Variants in SLC9A5 observed in about 807,000 individuals in gnomAD.
SLC9A5 encodes solute carrier family 9 member A5.
A neutral mutation model predicts 91.7 loss-of-function variants in SLC9A5; 52 were observed. That is an observed-to-expected ratio of 0.57 (90% CI 0.45 to 0.71). The LOEUF is 0.71. SLC9A5 is among the 30% of genes least tolerant of loss of function. The pLI, the probability that SLC9A5 is intolerant of heterozygous loss-of-function variation, is 0.00. For synonymous variants in SLC9A5, 419 were observed against 474.5 expected, an observed-to-expected ratio of 0.88 and a Z score of 1.52; for missense variants, 871 against 1,158.9, an observed-to-expected ratio of 0.75 and a Z score of 3.61.
In SLC9A5 at chr16:67,255,286, G is replaced by A; in HGVS notation, c.654+102G>A. The A allele has an allele frequency of 6.6e-7, 1 of 1,522,772 alleles. No individual in the cohort carries two copies. Among genetic ancestry groups the A allele is most frequent in the Non-Finnish European group, 9.0e-7 (1 of 1,111,534 alleles). The allele number at this position is 1,522,772 out of a possible 1,614,324, so 94.3% of individuals were successfully genotyped here. On this transcript the variant is annotated intron_variant, in intron 3 of 15. Coordinates refer to ENST00000299798, the MANE Select transcript of SLC9A5 (RefSeq NM_004594.3). The surrounding 1 kb of genome is among the most constrained non-coding windows in gnomAD (Gnocchi z 4.9). ...AGTCCCTTCCCTTGGGTCCCCTGGGGCAGAAATATGCTGTCTGCTTTCACC... is the reference window on the plus strand; with the variant it reads ...AGTCCCTTCCCTTGGGTCCCCTGGGACAGAAATATGCTGTCTGCTTTCACC...
intron 15 of SLC9A5, among the ~76,000 whole-genome samples, chr16:67,267,211 C>T (rs557814477): frequency 6.2e-4 from 94 of 151,600 alleles, no homozygotes; most frequent in Non-Finnish European, 1.2e-3. Flanking sequence ...CTCCGCCTCC[C>T]GAGTAGCTGG....
chr16:67,255,412 A>C lies in SLC9A5; in HGVS notation c.674A>C (p.Asn225Thr), dbSNP rs549199804. The change falls in exon 4 of 16, where the codon AAC becomes ACC. Residue 225 changes from asparagine (N) to threonine (T), a missense_variant. Coordinates refer to ENST00000299798, the MANE Select transcript of SLC9A5 (RefSeq NM_004594.3). This position sits in a 1 kb window ranked among gnomAD's most constrained non-coding sequence, Gnocchi z 4.9. ...AVTVVLYKVC[N>T]SFVEMGSANV... is the part of the protein sequence containing the mutation. ...GCTCAGGTGCTGTACAAGGTCTGCA[A>C]CTCCTTTGTGGAGATGGGCTCTGCC... is the stretch of plus-strand genomic sequence containing the variant. The C allele has an allele frequency of 6.7e-5, 108 of 1,613,084 alleles. 2 individuals carry two copies. In the South Asian group the frequency reaches 1.1e-3, roughly 16 times the overall value.
Position 67,270,924 on chromosome 16 carries a change from C to A in SLC9A5, c.2405C>A (p.Ala802Glu). 3.7e-6 allele frequency: 6 copies of A among 1,614,104 alleles called. No homozygotes were observed. The highest frequency in any genetic ancestry group is 5.1e-6 in the Non-Finnish European group (6 of 1,179,996). ...NQSISSLESL[A>E]SPPCNQAPIL... ...AGCATCTCATCCCTGGAGAGCCTAG[C>A]GTCCCCTCCCTGTAACCAGGCCCCA... The change falls in exon 16 of 16, where the codon GCG becomes GAG. Residue 802 changes from alanine to glutamate, a missense_variant. Ala to Glu is a moderately radical substitution (Grantham distance 107). Coordinates refer to ENST00000299798, the MANE Select transcript of SLC9A5 (RefSeq NM_004594.3). This position sits in a 1 kb window ranked among gnomAD's most constrained non-coding sequence, Gnocchi z 4.3.
At chr16:67,250,275 G>A (rs994325420) in intron 1 of SLC9A5, among the ~76,000 whole-genome samples, 3 of 152,198 alleles carry the variant, frequency 2.0e-5, no homozygotes, top group Non-Finnish European at 4.4e-5. Context: ...TTCCGGGAGC[G>A]TGGTTCTGTG....
rs1429954339 is a variant in SLC9A5 at position 67,257,270 on chromosome 16, C to A, written c.1336-75C>A. The stretch of plus-strand genomic sequence containing the variant: ...TGGGGTAGGGGTACTGAAGCTGAAG[C>A]CTCATTACGGGGAGAGAAAGGCAGC... On this transcript the variant is annotated intron_variant, in intron 7 of 15. Coordinates refer to ENST00000299798, the MANE Select transcript of SLC9A5 (RefSeq NM_004594.3). The surrounding 1 kb of genome is among the most constrained non-coding windows in gnomAD (Gnocchi z 5.1). 10 of 1,432,526 alleles carry A rather than the reference C, an allele frequency of 7.0e-6. No homozygotes were observed. In the South Asian group the frequency reaches 9.2e-5, roughly 13 times the overall value. 88.7% of individuals were successfully genotyped at this position (1,432,526 alleles called of 1,614,324 possible).
At chr16:67,251,940 T>C (rs1479361136) in intron 1 of SLC9A5, among the ~76,000 whole-genome samples, 6 of 152,114 alleles carry the variant, frequency 3.9e-5, no homozygotes, top group Admixed American at 3.3e-4. Context: ...AAATAATGGC[T>C]ATGGATAAGG....
rs1016731599 is a variant in SLC9A5 at position 67,257,965 on chromosome 16, T to C, written c.1497-353T>C. 2.0e-5 allele frequency among the ~76,000 whole-genome samples: 3 copies of C among 152,226 alleles called. No individual in the cohort carries two copies. The highest frequency in any genetic ancestry group is 7.2e-5 in the African/African-American group (3 of 41,466). ...AACACTCCTTCACCTCCCTCTCACTTACTCAGCTTCGATTCATCCTTCACA... is the reference window on the plus strand; with the variant it reads ...AACACTCCTTCACCTCCCTCTCACTCACTCAGCTTCGATTCATCCTTCACA... On this transcript the variant is annotated intron_variant, in intron 9 of 15. Coordinates refer to ENST00000299798, the MANE Select transcript of SLC9A5 (RefSeq NM_004594.3). This position sits in a 1 kb window ranked among gnomAD's most constrained non-coding sequence, Gnocchi z 5.1.
Position 67,255,805 on chromosome 16 carries a change from C to T in SLC9A5, c.786C>T (p.Ala262=). ...LGGAAVGLVF[A]FLLALTTRFT... is the part of the protein sequence containing the mutation. ...GGGCAGCCGTGGGCTTAGTCTTTGC[C>T]TTCCTCCTGGCCCTGACCACACGCT... is the stretch of plus-strand genomic sequence containing the variant. The change falls in exon 5 of 16, where the codon GCC becomes GCT. Residue 262 remains alanine, a synonymous_variant. Transcript: ENST00000299798. This position sits in a 1 kb window ranked among gnomAD's most constrained non-coding sequence, Gnocchi z 4.9. 2 of 1,603,750 alleles carry T rather than the reference C, an allele frequency of 1.2e-6. No homozygotes were observed. Among genetic ancestry groups the T allele is most frequent in the Non-Finnish European group, 1.7e-6 (2 of 1,174,456 alleles).
At chr16:67,264,656 G>C in intron 13 of SLC9A5, 134 bp downstream of exon 13, 2 of 841,686 alleles carry the variant, frequency 2.4e-6, no homozygotes, top group South Asian at 3.3e-5. Context: ...GACTACAGCA[G>C]TTTGGGTTCC....
In SLC9A5 at chr16:67,270,808, C is replaced by A. The variant is rs1189508058; in HGVS notation, c.2289C>A (p.Pro763=). Residue 763 remains proline, a synonymous_variant, in exon 16 of 16, where the codon CCC becomes CCA. Coordinates refer to ENST00000299798, the MANE Select transcript of SLC9A5 (RefSeq NM_004594.3). This position sits in a 1 kb window ranked among gnomAD's most constrained non-coding sequence, Gnocchi z 4.3. The part of the protein sequence containing the change: ...PSPTCAEKEL[P]WKSGQGDLAV... ...CAACCTGTGCAGAAAAGGAGCTCCC[C>A]TGGAAGAGTGGGCAGGGGGACCTGG... 5.6e-6 allele frequency: 9 copies of A among 1,613,994 alleles called. No homozygotes were observed. The Admixed American group carries it at 1.5e-4, about 27-fold the overall frequency.
intron 13 of SLC9A5, 151 bp downstream of exon 13, chr16:67,264,673 G>C: frequency 1.3e-6 from 1 of 748,992 alleles, no homozygotes; most frequent in East Asian, 2.7e-5. Context: ...TTCCCTTTTA[G>C]ATGTTCCTGG....
At chr16:67,261,724 G>A (rs1363307586) in intron 12 of SLC9A5, 1 of 152,166 alleles carries the variant, frequency 6.6e-6, no homozygotes, top group Non-Finnish European at 1.5e-5. Context: ...ATTTATTGAA[G>A]AAGCTGGATA....
In SLC9A5 at chr16:67,255,450, A is replaced by C; in HGVS notation, c.712A>C (p.Thr238Pro). Reference sequence around the variant, plus strand: ...GATGGGCTCTGCCAATGTGCAGGCCACTGACTACCTGAAGGGAGTCGGTCA... The same window carrying C: ...GATGGGCTCTGCCAATGTGCAGGCCCCTGACTACCTGAAGGGAGTCGGTCA... Reference protein sequence around the residue: ...VEMGSANVQATDYLKGVASLF... With the variant: ...VEMGSANVQAPDYLKGVASLF... Residue 238 changes from threonine (T) to proline (P), a missense_variant, in exon 4 of 16, where the codon ACT becomes CCT. Physicochemically the swap from Thr to Pro is conservative, Grantham distance 38 (BLOSUM62 -1). This residue lies in a region of SLC9A5 where 454 missense variants were observed against 718.3 expected (regional missense o/e 0.63). Transcript: ENST00000299798. The surrounding 1 kb of genome is among the most constrained non-coding windows in gnomAD (Gnocchi z 4.9). 1 of 1,614,104 alleles carries C rather than the reference A, an allele frequency of 6.2e-7. No homozygotes were observed. Among genetic ancestry groups the C allele is most frequent in the Non-Finnish European group, 8.5e-7 (1 of 1,180,012 alleles).
rs967918797 is a variant in SLC9A5 at position 67,252,987 on chromosome 16, C to T, written c.490+143C>T. 1.9e-5 allele frequency: 14 copies of T among 739,552 alleles called. No individual in the cohort carries two copies. Among genetic ancestry groups the T allele is most frequent in the Non-Finnish European group, 3.0e-5 (14 of 464,174 alleles). The allele number at this position is 739,552 out of a possible 1,614,324, so 45.8% of individuals were successfully genotyped here. ...CCTCTGGAGTGCAAGGCAGTGCTCC[C>T]GCTGGGGTTCAGGCCTCATTGAGGT... On this transcript the variant is annotated intron_variant, in intron 2 of 15. Coordinates refer to ENST00000299798, the MANE Select transcript of SLC9A5 (RefSeq NM_004594.3). The surrounding 1 kb of genome is among the most constrained non-coding windows in gnomAD (Gnocchi z 4.0).
intron 15 of SLC9A5, among the ~76,000 whole-genome samples, chr16:67,268,689 TATATATATATATATA>T (rs1391616509): frequency 7.5e-5 from 6 of 79,598 alleles, no homozygotes; most frequent in African/African-American, 4.6e-4. Context: ...TATATATATA[TATATATATATATATA>T]TATATATTTT....
chr16:67,257,047 G>T lies in SLC9A5; in HGVS notation c.1269G>T (p.Lys423Asn). The change falls in exon 7 of 16, where the codon AAG (lysine) becomes AAT (asparagine). Residue 423 changes from lysine (K) to asparagine (N), a missense_variant. By Grantham distance (94) the Lys-to-Asn change is moderately conservative. Transcript: ENST00000299798. This position sits in a 1 kb window ranked among gnomAD's most constrained non-coding sequence, Gnocchi z 5.1. ...FALVILLDRT[K>N]VPAKDYFVAT... The stretch of plus-strand genomic sequence containing the variant: ...TCGTCATCCTACTGGATAGGACCAA[G>T]GTCCCTGCCAAGGACTACTTTGTAG... The T allele has an allele frequency of 6.2e-7, 1 of 1,613,660 alleles. No individual in the cohort carries two copies. The highest frequency in any genetic ancestry group is 8.5e-7 in the Non-Finnish European group (1 of 1,180,026).
chr16:67,266,848 TTC>T (rs2035723474), intron 15 of SLC9A5, among the ~76,000 whole-genome samples: 1 of 128,920 alleles, frequency 7.8e-6, no homozygotes, highest in Admixed American at 7.5e-5. Context: ...GCCTATTCTT[TTC>T]TTTTTTTTTT....
At position 67,252,775 on chromosome 16, in the gene SLC9A5, G is replaced by A. The variant is rs1193816128; in HGVS notation, c.421G>A (p.Val141Ile). The A allele has an allele frequency of 6.2e-7, 1 of 1,613,990 alleles. No homozygotes were observed. Among genetic ancestry groups the A allele is most frequent in the Non-Finnish European group, 8.5e-7 (1 of 1,180,042 alleles). The change falls in exon 2 of 16, where the codon GTA becomes ATA. Residue 141 changes from valine to isoleucine, a missense_variant. This residue lies in a region of SLC9A5 where 454 missense variants were observed against 718.3 expected (regional missense o/e 0.63). Coordinates refer to ENST00000299798, the MANE Select transcript of SLC9A5 (RefSeq NM_004594.3). This position sits in a 1 kb window ranked among gnomAD's most constrained non-coding sequence, Gnocchi z 4.0. ...NLGAILTYAV[V>I]GTLWNAFTTG... ...GGGTGCCATCCTCACCTATGCCGTG[G>A]TAGGCACACTCTGGAATGCCTTCAC...
At position 67,259,619 on chromosome 16, in the gene SLC9A5, C is replaced by T; in HGVS notation, c.1673C>T (p.Pro558Leu). Residue 558 changes from proline (P) to leucine (L), a missense_variant, in exon 11 of 16, where the codon CCC becomes CTC. Physicochemically the swap from Pro to Leu is moderately conservative, Grantham distance 98. This residue lies in a region of SLC9A5 where 454 missense variants were observed against 718.3 expected (regional missense o/e 0.63). Transcript: ENST00000299798. ...ACAGGTCTCACTCTGCCTTCTATGC[C>T]CAGCCGCAATTCTGTGGCAGAAACT... The part of the protein sequence containing the change: ...SSTGLTLPSM[P>L]SRNSVAETSV... 6.2e-7 allele frequency: 1 copy of T among 1,614,104 alleles called. No individual in the cohort carries two copies. The highest frequency in any genetic ancestry group is 8.5e-7 in the Non-Finnish European group (1 of 1,180,022).
Sources: gnomAD v4.1 joint callset for allele counts (sites outside exome capture counted in the v4.1 genomes callset) on GRCh38, gnomAD v4.1.1 for gene constraint, gnomAD v4.1.1 regional missense constraint, Gnocchi (gnomAD v3.1) non-coding constraint, MANE v1.5 for transcripts, NCBI Gene and HGNC (gene_info 2026-07-23, HGNC 2026-07-21) for gene names.